Variants in CCDC141 observed in about 807,000 individuals in gnomAD.
CCDC141 encodes coiled-coil domain containing 141.
A neutral mutation model predicts 181.0 loss-of-function variants in CCDC141; 168 were observed. The ratio of observed to expected loss-of-function variants is 0.93; its 90% confidence interval spans 0.82 to 1.05. The LOEUF (loss-of-function observed/expected upper bound fraction) is 1.05. CCDC141 is among the 50% of genes least tolerant of loss of function. CCDC141 has a pLI of 0.00. For synonymous variants in CCDC141, 666 were observed against 642.3 expected (o/e 1.04, Z -0.56); for missense variants, 1,902 against 1,788.5 (o/e 1.06, Z -1.14).
At chr2:178,923,846 T>C (rs1365834329) in intron 6 of CCDC141, among the ~76,000 whole-genome samples, 2 of 152,160 alleles carry the variant, frequency 1.3e-5, no homozygotes, top group Non-Finnish European at 2.9e-5. Flanking sequence ...GATCCCTTGA[T>C]TGAAAGGGTA....
intron 6 of CCDC141, among the ~76,000 whole-genome samples, chr2:178,923,209 A>C (rs952615844): frequency 2.1e-5 from 3 of 145,288 alleles, no homozygotes; most frequent in African/African-American, 7.7e-5. Context: ...GGTTCACGCC[A>C]TTCTCCTGCC....
intron 2 of CCDC141, among the ~76,000 whole-genome samples, chr2:178,995,572 T>G (rs1692251664): frequency 6.6e-6 from 1 of 152,138 alleles, no homozygotes; most frequent in Admixed American, 6.5e-5. Context: ...TCTCTTATAC[T>G]TAATAAAGAA....
intron 8 of CCDC141, among the ~76,000 whole-genome samples, chr2:178,900,544 C>A (rs1174017470): frequency 6.6e-6 from 1 of 152,018 alleles, no homozygotes; most frequent in African/African-American, 2.4e-5. Context: ...AATGAGACAG[C>A]ACCACTCTTG....
chr2:178,829,443 T>A (rs896435695), downstream of CCDC141, among the ~76,000 whole-genome samples: 16 of 152,202 alleles, frequency 1.1e-4, no homozygotes, highest in Admixed American at 2.6e-4. Flanking sequence ...GCACTGATGC[T>A]CAGATGGTTC....
rs749295657 is a variant in CCDC141 at position 178,865,849 on chromosome 2, T to A, written c.2642A>T (p.Lys881Met). Residue 881 changes from lysine (K) to methionine (M), a missense_variant, in exon 17 of 24, where the codon AAG becomes ATG. By Grantham distance (95) the Lys-to-Met change is moderately conservative. Transcript: ENST00000443758. ...ATACTCCTCAGCTTTGGCACGCCAC[T>A]TCATGCTGTCCTCCTCAAGGAGCTC... ...QLELLEEDSMKWRAKAEEYGR... is the reference protein window; with the variant it reads ...QLELLEEDSMMWRAKAEEYGR... 9 of 1,607,228 alleles carry A rather than the reference T, an allele frequency of 5.6e-6. No homozygotes were observed. Among genetic ancestry groups the A allele is most frequent in the Non-Finnish European group, 3.4e-6 (4 of 1,176,402 alleles).
chr2:179,026,776 G>A (rs1432972011), intron 2 of CCDC141, among the ~76,000 whole-genome samples: 1 of 152,204 alleles, frequency 6.6e-6, no homozygotes, highest in African/African-American at 2.4e-5. Flanking sequence ...AAGCCACAGG[G>A]GTGGAGCTGC....
At chr2:179,030,046 TTAAATGG>T (rs1186472135) in intron 2 of CCDC141, among the ~76,000 whole-genome samples, 1 of 152,090 alleles carries the variant, frequency 6.6e-6, no homozygotes, top group African/African-American at 2.4e-5. Context: ...GCACAATACA[TTAAATGG>T]CTATAAACAC....
chr2:179,026,005 G>A (rs977050541), intron 2 of CCDC141, among the ~76,000 whole-genome samples: 1 of 152,158 alleles, frequency 6.6e-6, no homozygotes, highest in Non-Finnish European at 1.5e-5. Context: ...GAGATGAATT[G>A]GGTGCTGTTA....
At chr2:178,877,873 T>A (rs1338365128) in intron 12 of CCDC141, 91 bp downstream of exon 12, 1 of 1,246,756 alleles carries the variant, frequency 8.0e-7, no homozygotes, top group Non-Finnish European at 1.2e-6. Context: ...AGAGAACTGC[T>A]GATTAATAGA....
chr2:178,923,107 TTC>T (rs1688767418), intron 6 of CCDC141, among the ~76,000 whole-genome samples: 1 of 150,126 alleles, frequency 6.7e-6, no homozygotes, highest in African/African-American at 2.4e-5. Flanking sequence ...TTTTTTTTTT[TTC>T]TTTTTTTTTT....
chr2:178,989,134 A>G (rs1691905256), intron 2 of CCDC141, among the ~76,000 whole-genome samples: 1 of 152,210 alleles, frequency 6.6e-6, no homozygotes, highest in Non-Finnish European at 1.5e-5. Context: ...AAGCAACAAC[A>G]ACAACAAACA....
At chr2:178,999,891 C>T (rs1215040858) in intron 2 of CCDC141, among the ~76,000 whole-genome samples, 2 of 152,098 alleles carry the variant, frequency 1.3e-5, no homozygotes, top group East Asian at 1.9e-4. Flanking sequence ...GTATTAGCCC[C>T]TTTAAAGCAC....
intron 5 of CCDC141, among the ~76,000 whole-genome samples, chr2:178,945,705 C>T (rs1373216327): frequency 6.6e-6 from 1 of 152,180 alleles, no homozygotes; most frequent in Non-Finnish European, 1.5e-5. Context: ...GATACTATGT[C>T]TTTCCCCAGC....
chr2:178,859,804 C>T (rs1301973637), intron 17 of CCDC141, among the ~76,000 whole-genome samples: 2 of 152,064 alleles, frequency 1.3e-5, no homozygotes, highest in Non-Finnish European at 2.9e-5. Context: ...GCCGTAAGCC[C>T]CTTCTCAGGG....
At chr2:178,967,731 C>T (rs1374160535) in intron 4 of CCDC141, among the ~76,000 whole-genome samples, 1 of 152,110 alleles carries the variant, frequency 6.6e-6, no homozygotes, top group Non-Finnish European at 1.5e-5. Flanking sequence ...ATCAAATTCA[C>T]ACATAACAAT....
intron 2 of CCDC141, among the ~76,000 whole-genome samples, chr2:179,034,232 C>A (rs1422624420): frequency 6.6e-6 from 1 of 152,148 alleles, no homozygotes; most frequent in African/African-American, 2.4e-5. Flanking sequence ...CCTTAGCAAA[C>A]TAAAGGAGGA....
At chr2:178,993,379 C>G (rs1692144430) in intron 2 of CCDC141, among the ~76,000 whole-genome samples, 1 of 152,160 alleles carries the variant, frequency 6.6e-6, no homozygotes, top group Admixed American at 6.5e-5. Context: ...CAAGTCACAT[C>G]TTACGTGGAT....
chr2:178,957,731 T>C (rs80306521), intron 5 of CCDC141, among the ~76,000 whole-genome samples: 2,062 of 152,276 alleles, frequency 0.014, 49 homozygotes, highest in African/African-American at 0.047. Context: ...TATTTATTTA[T>C]TTATGTTTTT....
chr2:178,892,701 TG>T (rs2154371395), intron 8 of CCDC141, among the ~76,000 whole-genome samples: 1 of 152,162 alleles, frequency 6.6e-6, no homozygotes, highest in East Asian at 1.9e-4. Context: ...AAGAAAGGTA[TG>T]ACCCCACTCT....
Sources: allele counts gnomAD v4.1 joint callset (sites outside exome capture counted in the v4.1 genomes callset), GRCh38; gene constraint gnomAD v4.1.1; transcripts MANE v1.5; gene names NCBI Gene and HGNC (gene_info 2026-07-23, HGNC 2026-07-21).